The following ABR variants were observed in gnomAD, a reference collection of about 807,000 sequenced individuals.
The protein encoded by ABR is active breakpoint cluster region-related protein.
ABR carries 35 observed loss-of-function variants against 107.2 expected under a neutral mutation model. The ratio of observed to expected loss-of-function variants is 0.33; its 90% confidence interval spans 0.25 to 0.43. ABR has a LOEUF of 0.43. Among genes scored for constraint, ABR ranks in the 20% least tolerant of loss-of-function variants. The probability of loss-of-function intolerance (pLI) is 1.00; values close to 1 mark genes in which losing one functional copy is unlikely to be tolerated. For synonymous variants in ABR, 498 were observed against 462.0 expected (o/e 1.08, Z -1.00); for missense variants, 815 against 1,115.2 (o/e 0.73, Z 3.83).
At chr17:1,104,911 C>T (rs1008029745) in intron 2 of ABR, among the ~76,000 whole-genome samples, 1 of 152,050 alleles carries the variant, frequency 6.6e-6, no homozygotes, top group Non-Finnish European at 1.5e-5. Flanking sequence ...TGTTTTGAAA[C>T]TTTGGTTGTT....
rs76645397 is a variant in ABR, at chr17:1,102,110, C to T, written c.247-1375G>A. ...GCCCACCATATCCTTTATGAGCCAC[C>T]TGCAGTGGCCCGGATGCCCGTCCCT... On this transcript the variant is annotated intron_variant, in intron 2 of 22. Transcript: ENST00000302538. 3.2e-3 allele frequency among the ~76,000 whole-genome samples: 492 copies of T among 152,272 alleles called. 7 individuals are homozygous for T. In the East Asian group the frequency reaches 0.049, roughly 15 times the overall value.
intron 16 of ABR, chr17:1,031,869 C>G: frequency 2.5e-6 from 3 of 1,202,170 alleles, no homozygotes; most frequent in African/African-American, 1.7e-5. Flanking sequence ...TCCCTCCCTC[C>G]CCGCGCTCCC....
At chr17:1,048,124 C>G (rs909758885) in intron 16 of ABR, among the ~76,000 whole-genome samples, 3 of 152,228 alleles carry the variant, frequency 2.0e-5, no homozygotes, top group African/African-American at 7.2e-5. Flanking sequence ...CTCCCCTTAT[C>G]CCCACAGAGA....
intron 1 of ABR, among the ~76,000 whole-genome samples, chr17:1,129,176 G>C (rs113535074): frequency 4.6e-5 from 7 of 152,314 alleles, no homozygotes; most frequent in African/African-American, 1.7e-4. Flanking sequence ...ACTGGGGCCT[G>C]TTGGAGGGTG....
chr17:1,023,098 T>TCAGCCGGCCCCACGTCCACTGCAGAGCCA (rs2071839477), intron 16 of ABR, among the ~76,000 whole-genome samples: 1 of 89,712 alleles, frequency 1.1e-5, no homozygotes, highest in Admixed American at 1.3e-4. Flanking sequence ...CTGCAGAGCC[T>TCAGCCGGCCCCACGTCCACTGCAGAGCCA]CTGCCGGCCC....
chr17:1,144,956 T>C (rs957114044), intron 1 of ABR, among the ~76,000 whole-genome samples: 1 of 151,784 alleles, frequency 6.6e-6, no homozygotes. Flanking sequence ...GAGGTGGAGG[T>C]TGCAGTAGGC....
chr17:1,066,249 C>T (rs1182053979), intron 10 of ABR, among the ~76,000 whole-genome samples: 3 of 152,178 alleles, frequency 2.0e-5, no homozygotes, highest in African/African-American at 7.2e-5. Context: ...ATGCTATCAA[C>T]TTGCAGAAAA....
In ABR at chr17:1,179,941, G is replaced by T. The variant is rs1203317252; in HGVS notation, c.-214C>A. Reference sequence around the variant, plus strand: ...CCTCCCGAACCCTCCCGGCCCCAGCGGCCGCGCCGAGCCCAGCTGCGGATC... The same window carrying T: ...CCTCCCGAACCCTCCCGGCCCCAGCTGCCGCGCCGAGCCCAGCTGCGGATC... On this transcript the variant is annotated 5_prime_UTR_variant, in exon 1 of 23. Transcript: ENST00000302538. This position sits in a 1 kb window ranked among gnomAD's most constrained non-coding sequence, Gnocchi z 4.9. 7.6e-6 allele frequency: 3 copies of T among 396,000 alleles called. No individual in the cohort carries two copies. Among genetic ancestry groups the T allele is most frequent in the African/African-American group, 6.4e-5 (3 of 46,866 alleles). The allele number at this position is 396,000 out of a possible 1,614,324, so 24.5% of individuals were successfully genotyped here.
intron 1 of ABR, among the ~76,000 whole-genome samples, chr17:1,217,728 T>G (rs143864101): frequency 0.012 from 1,826 of 152,296 alleles, 35 homozygotes; most frequent in African/African-American, 0.041. Context: ...GGAGTCTTGC[T>G]CTGTGGCCCA....
At chr17:1,207,421 G>A (rs878867693) in intron 1 of ABR, among the ~76,000 whole-genome samples, 11 of 151,880 alleles carry the variant, frequency 7.2e-5, no homozygotes, top group Admixed American at 1.3e-4. Context: ...AGGCTGAGGC[G>A]GGCGGATCAC....
At chr17:1,135,367 TTCTTTTTG>T (rs1013180199) in intron 1 of ABR, among the ~76,000 whole-genome samples, 2 of 113,298 alleles carry the variant, frequency 1.8e-5, no homozygotes, top group Non-Finnish European at 2.0e-5. Flanking sequence ...TTTATTCTTT[TTCTTTTTG>T]TCTTTTTTTT....
rs747841898 is a variant in ABR, at chr17:1,013,122, C to T, written c.1834G>A (p.Val612Met). The T allele has an allele frequency of 1.3e-5, 21 of 1,614,160 alleles. No homozygotes were observed. The highest frequency in any genetic ancestry group is 4.5e-5 in the East Asian group (2 of 44,882). Residue 612 changes from valine to methionine, a missense_variant, in exon 17 of 23, where the codon GTG becomes ATG. By Grantham distance (21) the Val-to-Met change is conservative. This residue lies in a region of ABR where 92 missense variants were observed against 82.3 expected (regional missense o/e 1.12). Transcript: ENST00000302538. The stretch of plus-strand genomic sequence containing the variant: ...CGGCTCACCCCGTTCATCTCAATCA[C>T]GTCCGTGTGCCAGTTCTTGGTCTCC... ...TVETKNWHTDVIEMNGIKVEF... is the reference protein window; with the variant it reads ...TVETKNWHTDMIEMNGIKVEF...
chr17:1,106,624 G>A (rs1179479816), intron 2 of ABR, among the ~76,000 whole-genome samples: 2 of 145,166 alleles, frequency 1.4e-5, no homozygotes, highest in Non-Finnish European at 3.0e-5. Flanking sequence ...CTGCCTCCCA[G>A]GTTCAAGCGA....
At chr17:1,132,722 C>G (rs1247305727) in intron 1 of ABR, among the ~76,000 whole-genome samples, 1 of 152,094 alleles carries the variant, frequency 6.6e-6, no homozygotes, top group Non-Finnish European at 1.5e-5. Flanking sequence ...AAAACCTCAA[C>G]TTTCTAAATG....
At position 1,037,148 on chromosome 17, in the gene ABR, G is replaced by A. The variant is rs1411284591; in HGVS notation, c.1791+12902C>T. Among the ~76,000 whole-genome samples the A allele has an allele frequency of 6.6e-6, 1 of 152,098 alleles. No individual in the cohort carries two copies. The highest frequency in any genetic ancestry group is 2.4e-5 in the African/African-American group (1 of 41,428). On this transcript the variant is annotated intron_variant, in intron 16 of 22. Coordinates refer to ENST00000302538, the MANE Select transcript of ABR (RefSeq NM_021962.5). The surrounding 1 kb of genome is among the most constrained non-coding windows in gnomAD (Gnocchi z 4.6). ...CCATCCAGGTGGGGCTGGGAGAGGG[G>A]TCCAGGGTGGGCTCAAGGTTGAAGA... is the stretch of plus-strand genomic sequence containing the variant.
intron 10 of ABR, among the ~76,000 whole-genome samples, chr17:1,066,445 A>G (rs2034750314): frequency 6.6e-6 from 1 of 151,950 alleles, no homozygotes; most frequent in Non-Finnish European, 1.5e-5. Flanking sequence ...AGTTTCTGAG[A>G]GGCCTCCCAG....
At chr17:1,169,743 C>T (rs529950063) in intron 1 of ABR, among the ~76,000 whole-genome samples, 17 of 152,270 alleles carry the variant, frequency 1.1e-4, no homozygotes, top group African/African-American at 3.9e-4. Flanking sequence ...CAAAGGACCT[C>T]GATGCTCAGT....
intron 18 of ABR, 139 bp from the exon 19 acceptor site, chr17:1,012,124 G>C: frequency 7.1e-7 from 1 of 1,408,878 alleles, no homozygotes; most frequent in Non-Finnish European, 9.8e-7. Flanking sequence ...GGGCAGGGCA[G>C]AGAAAGAGGC....
intron 1 of ABR, among the ~76,000 whole-genome samples, chr17:1,178,584 G>GA (rs1405863247): frequency 1.3e-5 from 2 of 148,848 alleles, no homozygotes; most frequent in East Asian, 3.9e-4. Flanking sequence ...AAAAAAGAAA[G>GA]AAAACGCTCC....
Sources: allele counts gnomAD v4.1 joint callset (sites outside exome capture counted in the v4.1 genomes callset), GRCh38; gene constraint gnomAD v4.1.1; regional missense constraint gnomAD v4.1.1; non-coding constraint Gnocchi (gnomAD v3.1); transcripts MANE v1.5; gene names NCBI Gene and HGNC (gene_info 2026-07-23, HGNC 2026-07-21).